The following ZNF490 variants were observed in gnomAD, a reference collection of about 807,000 sequenced individuals.
ZNF490 encodes the protein zinc finger protein 490.
Under a neutral mutation model 17.7 loss-of-function variants are expected in ZNF490, and 11 were observed. That is an observed-to-expected ratio of 0.62 (90% confidence interval 0.39 to 1.03). ZNF490 has a LOEUF of 1.03. Among genes scored for constraint, ZNF490 ranks in the 50% least tolerant of loss-of-function variants. The pLI is 0.00. For synonymous variants in ZNF490, 222 were observed against 216.1 expected, an observed-to-expected ratio of 1.03 and a Z score of -0.24; for missense variants, 542 against 643.4, an observed-to-expected ratio of 0.84 and a Z score of 1.71.
chr19:12,600,878 C>T (rs2022993821), intron 2 of ZNF490, among the ~76,000 whole-genome samples: 1 of 152,072 alleles, frequency 6.6e-6, no homozygotes, highest in African/African-American at 2.4e-5. Flanking sequence ...ATCACTTAAG[C>T]CCAGGAGTTC....
chr19:12,596,489 G>C (rs1446229395), intron 2 of ZNF490, among the ~76,000 whole-genome samples: 2 of 152,038 alleles, frequency 1.3e-5, no homozygotes, highest in East Asian at 3.9e-4. Context: ...AGACTAGCAT[G>C]AGCAACACAG....
At chr19:12,582,552 G>A (rs866971740) in intron 4 of ZNF490, among the ~76,000 whole-genome samples, 5 of 151,920 alleles carry the variant, frequency 3.3e-5, no homozygotes, top group Non-Finnish European at 7.4e-5. Context: ...ACGCCACCAC[G>A]CCCGGCTAAT....
intron 1 of ZNF490, chr19:12,610,033 CAAACAAAA>C (rs1432331486): frequency 7.0e-6 from 3 of 430,678 alleles, no homozygotes; most frequent in East Asian, 1.4e-4. Flanking sequence ...TAAAAACAAA[CAAACAAAA>C]AAACAACGAA....
At position 12,581,226 on chromosome 19, in the gene ZNF490, A is replaced by G; in HGVS notation, c.849T>C (p.Cys283=). The G allele has an allele frequency of 6.2e-7, 1 of 1,614,080 alleles. No individual in the cohort carries two copies. Among genetic ancestry groups the G allele is most frequent in the Non-Finnish European group, 8.5e-7 (1 of 1,179,990 alleles). Residue 283 remains cysteine (C), a synonymous_variant, in exon 5 of 5, where the codon TGT becomes TGC. Transcript: ENST00000311437. ...GCTGGTAATATATAAAGGCTTTTCC[A>G]CACTGTTTACATTTGTAGGGTTTCT... ...TGEKPYKCKQ[C]GKAFIYYQPF...
Position 12,580,220 on chromosome 19 carries a change from G to A in ZNF490, c.*265C>T, listed in dbSNP as rs1372384486. 5.0e-6 allele frequency: 6 copies of A among 1,211,040 alleles called. No individual in the cohort carries two copies. The East Asian group carries it at 2.1e-4, about 41-fold the overall frequency. The allele number at this position is 1,211,040 out of a possible 1,614,324, so 75.0% of individuals were successfully genotyped here. A position where few individuals can be genotyped will look rare whatever the true frequency, so the allele number is the denominator to read the frequency against. ...AGGTGTCTTTAAAAGATTACGTGAAGTGAAGGCTTTCCTACACTCCATACA... is the reference window on the plus strand; with the variant it reads ...AGGTGTCTTTAAAAGATTACGTGAAATGAAGGCTTTCCTACACTCCATACA... On this transcript the variant is annotated 3_prime_UTR_variant, in exon 5 of 5. Coordinates refer to ENST00000311437, the MANE Select transcript of ZNF490 (RefSeq NM_020714.3).
intron 2 of ZNF490, among the ~76,000 whole-genome samples, chr19:12,600,096 C>T (rs2022983744): frequency 6.6e-6 from 1 of 152,132 alleles, no homozygotes; most frequent in Non-Finnish European, 1.5e-5. Flanking sequence ...GGCGCCGTGG[C>T]TCACGCCTGT....
chr19:12,598,778 G>A (rs2022965609), intron 2 of ZNF490, among the ~76,000 whole-genome samples: 1 of 151,168 alleles, frequency 6.6e-6, no homozygotes, highest in South Asian at 2.1e-4. Flanking sequence ...CATGAGGTCA[G>A]GAGTTCGAGA....
At chr19:12,597,275 C>T in intron 2 of ZNF490, 1 of 444,762 alleles carries the variant, frequency 2.2e-6, no homozygotes, top group Admixed American at 2.4e-5. Context: ...CCTAGCGAAC[C>T]GCTAGAATAA....
chr19:12,582,375 G>A (rs774969061), intron 4 of ZNF490, among the ~76,000 whole-genome samples: 5 of 151,576 alleles, frequency 3.3e-5, no homozygotes, highest in African/African-American at 4.9e-5. Flanking sequence ...AGAGGTATTC[G>A]CTACCTTACC....
At chr19:12,592,757 T>TA (rs1028744503) in intron 2 of ZNF490, among the ~76,000 whole-genome samples, 2 of 152,190 alleles carry the variant, frequency 1.3e-5, no homozygotes, top group African/African-American at 4.8e-5. Context: ...ACAGATGTAT[T>TA]AAAGTAATAG....
In ZNF490 at chr19:12,577,966, C is replaced by T; in HGVS notation, c.*2519G>A. 1.0e-6 allele frequency: 1 copy of T among 985,454 alleles called. No homozygotes were observed. 61.0% of individuals were successfully genotyped at this position (985,454 alleles called of 1,614,324 possible). ...AAAACGGAGAATTCGGAGGCTCCAG[C>T]AAGCAGTTTATTGGGAGTTGAGTTC... is the stretch of plus-strand genomic sequence containing the variant. On this transcript the variant is annotated 3_prime_UTR_variant, in exon 5 of 5. Coordinates refer to ENST00000311437, the MANE Select transcript of ZNF490 (RefSeq NM_020714.3).
intron 2 of ZNF490, among the ~76,000 whole-genome samples, chr19:12,585,101 G>A (rs1263536746): frequency 1.1e-5 from 1 of 93,284 alleles, no homozygotes. Flanking sequence ...ATTAGGGAGT[G>A]GGCTAGTGTG....
At position 12,610,761 on chromosome 19, in the gene ZNF490, A is replaced by G. The variant is rs1455119267; in HGVS notation, c.-81T>C. The G allele has an allele frequency of 4.3e-6, 6 of 1,397,066 alleles. No individual in the cohort carries two copies. Among genetic ancestry groups the G allele is most frequent in the Non-Finnish European group, 6.0e-6 (6 of 992,468 alleles). The allele number at this position is 1,397,066 out of a possible 1,614,324, so 86.5% of individuals were successfully genotyped here. A position where few individuals can be genotyped will look rare whatever the true frequency, so the allele number is the denominator to read the frequency against. Reference sequence around the variant, plus strand: ...CCGGAACAATTTCTGCTTCAACACAATTGTCCACGGAGGGCACCAGTTCCG... The same window carrying G: ...CCGGAACAATTTCTGCTTCAACACAGTTGTCCACGGAGGGCACCAGTTCCG... On this transcript the variant is annotated 5_prime_UTR_variant, in exon 1 of 5. Transcript: ENST00000311437.
intron 2 of ZNF490, 123 bp downstream of exon 2, chr19:12,609,035 C>G: frequency 1.2e-6 from 1 of 814,662 alleles, no homozygotes; most frequent in Non-Finnish European, 2.0e-6. Context: ...TTGGCCTTGA[C>G]TATGGGAGTG....
At chr19:12,599,213 A>G (rs2022973594) in intron 2 of ZNF490, among the ~76,000 whole-genome samples, 1 of 151,580 alleles carries the variant, frequency 6.6e-6, no homozygotes, top group South Asian at 2.1e-4. Flanking sequence ...ATAAAAATAA[A>G]TAAGTATTTT....
At position 12,577,382 on chromosome 19, in the gene ZNF490, T is replaced by C. The variant is rs576991836; in HGVS notation, c.*3103A>G. ...AGCCCATTCTGACAGTGAAGGAATC[T>C]CGAACTTCCTGACCTCCCACAGTAC... On this transcript the variant is annotated 3_prime_UTR_variant, in exon 5 of 5. Transcript: ENST00000311437. 1.0e-6 allele frequency: 1 copy of C among 967,110 alleles called. No individual in the cohort carries two copies. Among genetic ancestry groups the C allele is most frequent in the South Asian group, 4.8e-5 (1 of 20,906 alleles). 59.9% of individuals were successfully genotyped at this position (967,110 alleles called of 1,614,324 possible). A position where few individuals can be genotyped will look rare whatever the true frequency, so the allele number is the denominator to read the frequency against.
At chr19:12,594,833 A>G (rs2022913963) in intron 2 of ZNF490, among the ~76,000 whole-genome samples, 1 of 152,206 alleles carries the variant, frequency 6.6e-6, no homozygotes, top group Non-Finnish European at 1.5e-5. Context: ...CCATCAATCC[A>G]TCCATCAATC....
In ZNF490 at chr19:12,581,610, T is replaced by C. The variant is rs1373528981; in HGVS notation, c.465A>G (p.Pro155=). The C allele has an allele frequency of 6.2e-7, 1 of 1,614,180 alleles. No homozygotes were observed. Among genetic ancestry groups the C allele is most frequent in the Non-Finnish European group, 8.5e-7 (1 of 1,180,020 alleles). The part of the protein sequence containing the change: ...TNLETPTGLK[P]CDCSVCGEVF... The stretch of plus-strand genomic sequence containing the variant: ...CTTCCCCACACACACTGCAGTCACA[T>C]GGTTTTAATCCAGTAGGAGTTTCCA... The change falls in exon 5 of 5, where the codon CCA becomes CCG. Residue 155 remains proline (P), a synonymous_variant. Transcript: ENST00000311437.
chr19:12,583,811 A>ATTTTTTTT (rs879747918), intron 2 of ZNF490, among the ~76,000 whole-genome samples: 19 of 78,660 alleles, frequency 2.4e-4, no homozygotes, highest in African/African-American at 9.2e-4. Context: ...ATATATATAT[A>ATTTTTTTT]TTTTTTTTTT....
Sources: gnomAD v4.1 joint callset for allele counts (sites outside exome capture counted in the v4.1 genomes callset) on GRCh38, gnomAD v4.1.1 for gene constraint, MANE v1.5 for transcripts, NCBI Gene and HGNC (gene_info 2026-07-23, HGNC 2026-07-21) for gene names.